FANCB: variants seen among roughly 807,000 people sequenced by gnomAD.
FANCB encodes Fanconi anemia group B protein.
In FANCB, 5 loss-of-function variants were observed where a neutral mutation model predicts 38.9. The ratio of observed to expected loss-of-function variants is 0.13; its 90% CI spans 0.07 to 0.27. The LOEUF is 0.27. FANCB is among the 10% of genes least tolerant of loss of function. The pLI, the probability that FANCB is intolerant of heterozygous loss-of-function variation, is 1.00. For missense variants in FANCB, 573 were observed against 602.7 expected (o/e 0.95, Z 0.52); for synonymous variants, 236 against 215.4 (o/e 1.10, Z -0.84).
In FANCB at chrX:14,873,027, G is replaced by A. The variant is rs967445888; in HGVS notation, c.-233C>T. 5 of 131,344 alleles carry A rather than the reference G, an allele frequency of 3.8e-5. No individual in the cohort carries two copies. Among genetic ancestry groups the A allele is most frequent in the Admixed American group, 2.5e-4 (3 of 12,210 alleles). 10.8% of individuals were successfully genotyped at this position (131,344 alleles called of 1,213,427 possible). On this transcript the variant is annotated 5_prime_UTR_variant, in exon 1 of 10. Coordinates refer to ENST00000650831, the MANE Select transcript of FANCB (RefSeq NM_001018113.3). ...CATACCGGAGGCCCCACGTCGATAC[G>A]GTATCCATCTGCTCCAAACCTCCCG...
chrX:14,747,862 T>C, the FANCB span, among the ~76,000 whole-genome samples: 1 of 112,267 alleles, frequency 8.9e-6, no homozygotes, highest in Non-Finnish European at 1.9e-5. Flanking sequence ...GGTTGATTTG[T>C]AATGCACAAT....
At chrX:14,728,122 T>C in the FANCB span, among the ~76,000 whole-genome samples, 2 of 112,004 alleles carry the variant, frequency 1.8e-5, no homozygotes, top group Non-Finnish European at 3.8e-5. Context: ...ATTTTTGTGA[T>C]ATAATGGTCT....
At chrX:14,867,917 G>A (rs1460122064) in intron 2 of FANCB, among the ~76,000 whole-genome samples, 1 of 110,894 alleles carries the variant, frequency 9.0e-6, no homozygotes, top group Non-Finnish European at 1.9e-5. Flanking sequence ...TATCTCAAAA[G>A]AAGACACACA....
intron 3 of FANCB, 31 bp downstream of exon 3, chrX:14,864,529 A>C (rs1379020233): frequency 1.1e-6 from 1 of 946,358 alleles, no homozygotes; most frequent in Non-Finnish European, 1.5e-6. Flanking sequence ...TGAGACCACC[A>C]ACTGAATTAT....
chrX:14,728,993 T>C, the FANCB span, among the ~76,000 whole-genome samples: 1 of 112,505 alleles, frequency 8.9e-6, no homozygotes, highest in Non-Finnish European at 1.9e-5. Flanking sequence ...AGGGATCTGC[T>C]GTTGAACTTA....
the FANCB span, among the ~76,000 whole-genome samples, chrX:14,748,911 G>A: frequency 1.8e-5 from 2 of 112,196 alleles, no homozygotes; most frequent in Admixed American, 9.4e-5. Flanking sequence ...TCTTGATAGT[G>A]TATAGAAGAC....
chrX:14,856,820 A>G (rs1327505448), intron 5 of FANCB, among the ~76,000 whole-genome samples: 1 of 111,879 alleles, frequency 8.9e-6, no homozygotes, highest in Non-Finnish European at 1.9e-5. Flanking sequence ...AAAAAGACCA[A>G]TAAGAGATAT....
At chrX:14,824,025 A>C in the FANCB span, among the ~76,000 whole-genome samples, 1 of 111,668 alleles carries the variant, frequency 9.0e-6, no homozygotes, top group African/African-American at 3.3e-5. Flanking sequence ...TGGACAGGAG[A>C]ACTGCCACTG....
the FANCB span, among the ~76,000 whole-genome samples, chrX:14,755,855 C>G: frequency 9.0e-6 from 1 of 110,886 alleles, no homozygotes; most frequent in Non-Finnish European, 1.9e-5. Flanking sequence ...GCAATTTTGA[C>G]CAAAAAGAAC....
chrX:14,767,199 A>G, the FANCB span, among the ~76,000 whole-genome samples: 1 of 111,895 alleles, frequency 8.9e-6, no homozygotes, highest in Non-Finnish European at 1.9e-5. Flanking sequence ...CTTTGTGTCC[A>G]TGCCCAGTAA....
the FANCB span, among the ~76,000 whole-genome samples, chrX:14,701,032 G>A: frequency 1.8e-5 from 2 of 110,032 alleles, no homozygotes; most frequent in African/African-American, 3.3e-5. Flanking sequence ...GTGGGTAGGC[G>A]GACAGGATTT....
the FANCB span, among the ~76,000 whole-genome samples, chrX:14,739,155 T>C: frequency 8.9e-6 from 1 of 112,196 alleles, no homozygotes; most frequent in East Asian, 2.8e-4. Flanking sequence ...ATTTGAATGA[T>C]TCAAGCAATA....
chrX:14,752,005 G>A, the FANCB span, among the ~76,000 whole-genome samples: 1 of 111,423 alleles, frequency 9.0e-6, no homozygotes, highest in East Asian at 2.8e-4. Flanking sequence ...TGTTCCATAT[G>A]TCACCCTGTC....
At chrX:14,730,429 A>G in the FANCB span, 2 of 1,206,125 alleles carry the variant, frequency 1.7e-6, no homozygotes, top group Non-Finnish European at 2.2e-6. Flanking sequence ...CATTTTCAAC[A>G]TCTTTTACTG....
the FANCB span, among the ~76,000 whole-genome samples, chrX:14,703,505 C>T: frequency 8.9e-6 from 1 of 111,904 alleles, no homozygotes; most frequent in Admixed American, 9.4e-5. Flanking sequence ...TCTCCCCATC[C>T]TTAGTTTCTT....
the FANCB span, among the ~76,000 whole-genome samples, chrX:14,773,351 G>C: frequency 3.6e-5 from 4 of 112,223 alleles, no homozygotes; most frequent in Admixed American, 1.9e-4. Context: ...GCAATGGCAG[G>C]GGTCTGTGAG....
the FANCB span, among the ~76,000 whole-genome samples, chrX:14,707,500 G>A: frequency 9.1e-6 from 1 of 110,479 alleles, no homozygotes; most frequent in Non-Finnish European, 1.9e-5. Context: ...ACAGAGTTTG[G>A]AGCATGAATC....
At chrX:14,858,434 T>C (rs774090641) in intron 4 of FANCB, among the ~76,000 whole-genome samples, 7 of 111,247 alleles carry the variant, frequency 6.3e-5, no homozygotes, top group African/African-American at 2.0e-4. Flanking sequence ...ACTATATATT[T>C]TCCCCATCAT....
At chrX:14,857,805 T>G in intron 5 of FANCB, 57 bp downstream of exon 5, 1 of 812,977 alleles carries the variant, frequency 1.2e-6, no homozygotes, top group Non-Finnish European at 1.9e-6. Flanking sequence ...TTCAATGTTC[T>G]TTCCTTCATT....
Sources: allele counts gnomAD v4.1 joint callset (sites outside exome capture counted in the v4.1 genomes callset), GRCh38; gene constraint gnomAD v4.1.1; transcripts MANE v1.5; gene names NCBI Gene and HGNC (gene_info 2026-07-23, HGNC 2026-07-21).